The following HDAC7 variants were observed in gnomAD, a reference collection of about 807,000 sequenced individuals.
HDAC7 encodes the protein histone deacetylase 7.
In HDAC7, 26 loss-of-function variants were observed where a neutral mutation model predicts 115.5. The ratio of observed to expected loss-of-function variants is 0.23; its 90% CI spans 0.16 to 0.31. The LOEUF is 0.31. Ranked by LOEUF, HDAC7 falls within the 10% of genes least tolerant of loss-of-function variation. The probability of loss-of-function intolerance (pLI) is 1.00; values close to 1 mark genes in which losing one functional copy is unlikely to be tolerated. For missense variants in HDAC7, 1,068 were observed against 1,329.0 expected (o/e 0.80, Z 3.05); for synonymous variants, 564 against 550.9 (o/e 1.02, Z -0.33).
At chr12:47,792,435 A>T (rs1943581270) in intron 13 of HDAC7, 1 of 343,358 alleles carries the variant, frequency 2.9e-6, no homozygotes, top group Non-Finnish European at 5.7e-6. Context: ...GAGGGAAAAG[A>T]ATTCCTAGGA....
rs374699041 is a variant in HDAC7 at position 47,788,039 on chromosome 12, G to C, written c.2355+6C>G. Reference sequence around the variant, plus strand: ...GCTGGAAGATGTGGCCCTGACATGCGGTTACCTCATCCACAGCCCCACTCC... The same window carrying C: ...GCTGGAAGATGTGGCCCTGACATGCCGTTACCTCATCCACAGCCCCACTCC... On this transcript the variant is annotated splice_donor_region_variant and intron_variant, in intron 20 of 25. Transcript: ENST00000080059. 3 of 1,608,482 alleles carry C rather than the reference G, an allele frequency of 1.9e-6. No individual in the cohort carries two copies. The highest frequency in any genetic ancestry group is 2.5e-6 in the Non-Finnish European group (3 of 1,176,878).
Position 47,791,475 on chromosome 12 carries a change from G to C in HDAC7, c.1933+111C>G, listed in dbSNP as rs556053377. On this transcript the variant is annotated intron_variant, in intron 15 of 25. Transcript: ENST00000080059. ...GGGCTTGGCAGCAAGCTGGAGTAGG[G>C]ACGTCCAGGGTGCAGGAGGAGGCTG... is the stretch of plus-strand genomic sequence containing the variant. 78 of 1,442,840 alleles carry C rather than the reference G, an allele frequency of 5.4e-5. No homozygotes were observed. The Admixed American group carries it at 1.1e-3, about 20-fold the overall frequency. The allele number at this position is 1,442,840 out of a possible 1,614,324, so 89.4% of individuals were successfully genotyped here. A position where few individuals can be genotyped will look rare whatever the true frequency, so the allele number is the denominator to read the frequency against.
Position 47,798,070 on chromosome 12 carries a change from G to T in HDAC7, c.461+38C>A. On this transcript the variant is annotated intron_variant, in intron 5 of 25. Transcript: ENST00000080059. The surrounding 1 kb of genome is among the most constrained non-coding windows in gnomAD (Gnocchi z 4.3). ...TAACACGGGGGCGGGGGTGGAGGGT[G>T]CATGTGGGGACAGGAGGGCAGGTGA... is the stretch of plus-strand genomic sequence containing the variant. 7.0e-7 allele frequency: 1 copy of T among 1,420,992 alleles called. No individual in the cohort carries two copies. The highest frequency in any genetic ancestry group is 1.0e-6 in the Non-Finnish European group (1 of 1,004,092). 88.0% of individuals were successfully genotyped at this position (1,420,992 alleles called of 1,614,324 possible). A position where few individuals can be genotyped will look rare whatever the true frequency, so the allele number is the denominator to read the frequency against.
At chr12:47,791,232 C>T (rs1014310861) in intron 16 of HDAC7, 27 bp downstream of exon 16, 8 of 1,581,362 alleles carry the variant, frequency 5.1e-6, no homozygotes, top group East Asian at 2.3e-5. Context: ...CTGGCAACGC[C>T]CCCCTGAGAC....
Position 47,795,088 on chromosome 12 carries a change from CCAG to C in HDAC7, c.1284+93_1284+95del. The C allele has an allele frequency of 7.5e-7, 1 of 1,337,382 alleles. No homozygotes were observed. Among genetic ancestry groups the C allele is most frequent in the South Asian group, 1.3e-5 (1 of 75,104 alleles). The allele number at this position is 1,337,382 out of a possible 1,614,324, so 82.8% of individuals were successfully genotyped here. A position where few individuals can be genotyped will look rare whatever the true frequency, so the allele number is the denominator to read the frequency against. ...AAGCCACATCCCCCTCTTTTGCCCT[CCAG>C]TTCCCTGCCCTTTCTAAGTACCCCT... is the stretch of plus-strand genomic sequence containing the variant. On this transcript the variant is annotated intron_variant, in intron 11 of 25. Coordinates refer to ENST00000080059, the MANE Select transcript of HDAC7 (RefSeq NM_015401.5). The surrounding 1 kb of genome is among the most constrained non-coding windows in gnomAD (Gnocchi z 4.3).
intron 7 of HDAC7, 84 bp from the exon 8 acceptor site, chr12:47,796,382 C>T (rs1943843467): frequency 2.2e-6 from 2 of 889,332 alleles, no homozygotes; most frequent in African/African-American, 1.7e-5. Context: ...GCAGGAGACC[C>T]GGGAGCACCC....
At chr12:47,820,239 C>T (rs1944985843), upstream of HDAC7, among the ~76,000 whole-genome samples, 2 of 152,244 alleles carry the variant, frequency 1.3e-5, no homozygotes, top group South Asian at 4.1e-4. The surrounding 1 kb of genome is among the most constrained non-coding windows in gnomAD (Gnocchi z 4.3). Flanking sequence ...TACCTGGGCG[C>T]ACGCACCCTC....
intron 16 of HDAC7, 135 bp downstream of exon 16, chr12:47,791,124 A>G: frequency 2.4e-6 from 2 of 847,228 alleles, no homozygotes; most frequent in Non-Finnish European, 3.9e-6. Flanking sequence ...GGGGCACCTC[A>G]GGAAGTCCCT....
chr12:47,783,891 G>A lies in HDAC7; in HGVS notation c.2931-5C>T. 1 of 1,612,956 alleles carries A rather than the reference G, an allele frequency of 6.2e-7. No homozygotes were observed. The highest frequency in any genetic ancestry group is 8.5e-7 in the Non-Finnish European group (1 of 1,179,722). The stretch of plus-strand genomic sequence containing the variant: ...TCCACCAGCTGCTCCGAGGGCCTGT[G>A]GGGAGGGACAAGGGTGGGATGCTGG... On this transcript the variant is annotated splice_region_variant and splice_polypyrimidine_tract_variant and intron_variant, in intron 25 of 25. Transcript: ENST00000080059.
Position 47,797,855 on chromosome 12 carries a change from G to GGGGTGTGTGT in HDAC7, c.461+252_461+253insACACACACCC, listed in dbSNP as rs577419391. Among the ~76,000 whole-genome samples the GGGGTGTGTGT allele has an allele frequency of 1.7e-4, 21 of 123,946 alleles. No individual in the cohort carries two copies. Among genetic ancestry groups the GGGGTGTGTGT allele is most frequent in the African/African-American group, 2.6e-4 (8 of 31,298 alleles). The allele number at this position is 123,946 out of a possible 152,430, so 81.3% of individuals were successfully genotyped here. On this transcript the variant is annotated intron_variant, in intron 5 of 25. Transcript: ENST00000080059. This position sits in a 1 kb window ranked among gnomAD's most constrained non-coding sequence, Gnocchi z 5.5. ...TCATGTGCAAGAAAAAAGCCAGTAG[G>GGGGTGTGTGT]GTGTGTGTGTGTGTGTGTGTGTGTG...
At chr12:47,790,939 G>A (rs73107965) in intron 16 of HDAC7, 110,887 of 465,806 alleles carry the variant, frequency 0.24, 15,548 homozygotes, top group Non-Finnish European at 0.3. Flanking sequence ...CCAATGCCCA[G>A]TCATGGGGGT....
rs184516830 is a variant in HDAC7, at chr12:47,815,953, G to A, written c.19+3814C>T. 4.7e-5 allele frequency among the ~76,000 whole-genome samples: 7 copies of A among 147,452 alleles called. No homozygotes were observed. The South Asian group carries it at 6.4e-4, about 13-fold the overall frequency. On this transcript the variant is annotated intron_variant, in intron 1 of 25. Transcript: ENST00000080059. ...GTCACCCAGGCTGGAGTGCAATGGC[G>A]TGATCTTGGCTCACCGCAACCTCTG...
At position 47,797,123 on chromosome 12, in the gene HDAC7, C is replaced by A; in HGVS notation, c.597G>T (p.Lys199Asn). The change falls in exon 7 of 26, where the codon AAG becomes AAT. Residue 199 changes from lysine (K) to asparagine (N), a missense_variant. By Grantham distance (94) the Lys-to-Asn change is moderately conservative. Transcript: ENST00000080059. This position sits in a 1 kb window ranked among gnomAD's most constrained non-coding sequence, Gnocchi z 5.5. ...LRKTVSEPNL[K>N]LRYKPKKSLE... is the part of the protein sequence containing the mutation. ...GGGACTTCTTGGGCTTATAGCGCAG[C>A]TTCAGGTTGGGCTCAGAGACTGCAG... 6.2e-7 allele frequency: 1 copy of A among 1,601,882 alleles called. No individual in the cohort carries two copies. The highest frequency in any genetic ancestry group is 1.1e-5 in the South Asian group (1 of 89,270).
chr12:47,800,368 T>G (rs187823326), intron 2 of HDAC7, among the ~76,000 whole-genome samples: 6 of 152,278 alleles, frequency 3.9e-5, no homozygotes, highest in Non-Finnish European at 7.4e-5. Flanking sequence ...AAGAGGGGTT[T>G]GCAGTAGGCT....
rs886187690 is a variant in HDAC7 at position 47,797,478 on chromosome 12, C to T, written c.483G>A (p.Thr161=). ...IPYRTLEPLE[T]EGATRSMLSS... is the part of the protein sequence containing the mutation. ...TGAGCATGGAGCGGGTGGCTCCTTC[C>T]GTCTCCAGGGGCTCCAGGGTTCTAC... Residue 161 remains threonine, a synonymous_variant, in exon 6 of 26, where the codon ACG becomes ACA. Coordinates refer to ENST00000080059, the MANE Select transcript of HDAC7 (RefSeq NM_015401.5). The surrounding 1 kb of genome is among the most constrained non-coding windows in gnomAD (Gnocchi z 5.5). 18 of 1,612,908 alleles carry T rather than the reference C, an allele frequency of 1.1e-5. 1 individual carries two copies. The highest frequency in any genetic ancestry group is 8.8e-5 in the South Asian group (8 of 90,952).
intron 19 of HDAC7, chr12:47,788,938 C>G (rs938235065): frequency 3.1e-6 from 1 of 318,534 alleles, no homozygotes; most frequent in East Asian, 6.2e-5. Context: ...TGCTATTATT[C>G]TTATCATCAC....
rs548955126 is a variant in HDAC7, at chr12:47,787,853, C to G, written c.2356-44G>C. ...GAGAGACATGAGGACAGCAGAGTCC[C>G]AGAAGGGGAACACCAGTTTGTTAGA... On this transcript the variant is annotated intron_variant, in intron 20 of 25. Coordinates refer to ENST00000080059, the MANE Select transcript of HDAC7 (RefSeq NM_015401.5). The G allele has an allele frequency of 5.1e-6, 8 of 1,574,208 alleles. No homozygotes were observed. The African/African-American group carries it at 1.1e-4, about 21-fold the overall frequency.
rs117446640 is a variant in HDAC7 at position 47,786,859 on chromosome 12, G to A, written c.2454-156C>T. On this transcript the variant is annotated intron_variant, in intron 21 of 25. Coordinates refer to ENST00000080059, the MANE Select transcript of HDAC7 (RefSeq NM_015401.5). The stretch of plus-strand genomic sequence containing the variant: ...TTCTCTGACCTCCTTGACCTTGGCT[G>A]GCCACCCATGTCCCTGGCACACACA... Among the ~76,000 whole-genome samples the A allele has an allele frequency of 4.9e-3, 749 of 152,324 alleles. 5 individuals are homozygous for A. Among genetic ancestry groups the A allele is most frequent in the Non-Finnish European group, 9.5e-3 (646 of 68,006 alleles).
intron 24 of HDAC7, chr12:47,784,891 A>C: frequency 1.1e-6 from 1 of 892,784 alleles, no homozygotes. Context: ...TATTTTACTC[A>C]TTTTTATCCC....
Sources: allele counts gnomAD v4.1 joint callset (sites outside exome capture counted in the v4.1 genomes callset), GRCh38; gene constraint gnomAD v4.1.1; non-coding constraint Gnocchi (gnomAD v3.1); transcripts MANE v1.5; gene names NCBI Gene and HGNC (gene_info 2026-07-23, HGNC 2026-07-21).